The following PKIB variants were observed in gnomAD, a reference collection of about 807,000 sequenced individuals.
PKIB encodes the protein PKI-beta.
A neutral mutation model predicts 4.5 loss-of-function variants in PKIB; 2 were observed. The ratio of observed to expected loss-of-function variants is 0.44; its 90% CI spans 0.18 to 1.39. The LOEUF (loss-of-function observed/expected upper bound fraction) is 1.39, where lower values mean the gene tolerates loss of function less well. PKIB is among the 40% of genes most tolerant of loss of function. PKIB has a pLI of 0.27. For missense variants in PKIB, 94 were observed against 92.6 expected (o/e 1.02, Z -0.06); for synonymous variants, 38 against 36.0 (o/e 1.06, Z -0.20).
intron 2 of PKIB, among the ~76,000 whole-genome samples, chr6:122,542,579 T>G (rs1364885216): frequency 1.3e-5 from 2 of 151,944 alleles, no homozygotes; most frequent in Non-Finnish European, 2.9e-5. Flanking sequence ...CCTCTGGAAG[T>G]TTTGTCTCAG....
intron 3 of PKIB, among the ~76,000 whole-genome samples, chr6:122,704,051 T>C (rs564111355): frequency 9.9e-5 from 15 of 151,882 alleles, no homozygotes; most frequent in Admixed American, 3.9e-4. Context: ...GCTAATGATA[T>C]GGTTCCAGTT....
At chr6:122,661,071 T>A (rs539894932) in intron 2 of PKIB, among the ~76,000 whole-genome samples, 1 of 152,188 alleles carries the variant, frequency 6.6e-6, no homozygotes, top group Non-Finnish European at 1.5e-5. Context: ...CTGTAATCAA[T>A]GTGTTCATCA....
chr6:122,701,113 A>G, intron 3 of PKIB: 1 of 214,858 alleles, frequency 4.7e-6, no homozygotes. Context: ...CTTCGGAGTC[A>G]TGAGAGTGCA....
chr6:122,696,802 T>C lies in PKIB; in HGVS notation c.-8-20985T>C, dbSNP rs1015042344. 3.9e-5 allele frequency among the ~76,000 whole-genome samples: 6 copies of C among 152,338 alleles called. No individual in the cohort carries two copies. The East Asian group carries it at 1.2e-3, about 29-fold the overall frequency. ...GTGCACACTGATGTAACTGGACACA[T>C]TGCAGCTCAGTGAGGGTCAGCGTGG... On this transcript the variant is annotated intron_variant, in intron 3 of 4. Coordinates refer to ENST00000368452, the MANE Select transcript of PKIB (RefSeq NM_181795.3).
At chr6:122,674,645 A>G (rs1443435027) in intron 2 of PKIB, among the ~76,000 whole-genome samples, 1 of 152,228 alleles carries the variant, frequency 6.6e-6, no homozygotes, top group Non-Finnish European at 1.5e-5. Flanking sequence ...GAGGGTGCAG[A>G]AGATTCTCTA....
chr6:122,529,964 G>A lies in PKIB; in HGVS notation c.-248+52025G>A, dbSNP rs1379464472. On this transcript the variant is annotated intron_variant, in intron 2 of 6. Coordinates refer to the PKIB transcript ENST00000392491. ...TTTTTTCAGCTTCTTGAATCCACAT[G>A]TCCGTTTCTTTCTTCAGATCTGGGC... Among the ~76,000 whole-genome samples, 4 of 151,976 alleles carry A rather than the reference G, an allele frequency of 2.6e-5. No homozygotes were observed. In the East Asian group the frequency reaches 7.7e-4, roughly 29 times the overall value.
At chr6:122,669,846 T>C (rs1455307595) in intron 2 of PKIB, among the ~76,000 whole-genome samples, 1 of 152,204 alleles carries the variant, frequency 6.6e-6, no homozygotes, top group Non-Finnish European at 1.5e-5. Flanking sequence ...TTTTCCATTT[T>C]GTAAATTCTT....
intron 2 of PKIB, among the ~76,000 whole-genome samples, chr6:122,538,550 G>T (rs1777480856): frequency 6.6e-6 from 1 of 151,890 alleles, no homozygotes; most frequent in Non-Finnish European, 1.5e-5. Flanking sequence ...CTCTGTTTTG[G>T]TACCAGTACC....
chr6:122,520,094 T>C (rs1776889089), intron 2 of PKIB, among the ~76,000 whole-genome samples: 1 of 152,188 alleles, frequency 6.6e-6, no homozygotes, highest in African/African-American at 2.4e-5. Context: ...CCCAGAAGCA[T>C]TCCCTAAAAA....
At chr6:122,650,301 C>T (rs1473183199) in intron 2 of PKIB, among the ~76,000 whole-genome samples, 1 of 152,104 alleles carries the variant, frequency 6.6e-6, no homozygotes, top group African/African-American at 2.4e-5. Context: ...CCTTCAAGCC[C>T]TTAATGGTGG....
intron 2 of PKIB, among the ~76,000 whole-genome samples, chr6:122,491,245 A>G (rs1775926711): frequency 6.6e-6 from 1 of 152,124 alleles, no homozygotes; most frequent in African/African-American, 2.4e-5. Flanking sequence ...TCTCATGCAC[A>G]GTGTGTTACT....
intron 2 of PKIB, among the ~76,000 whole-genome samples, chr6:122,541,453 G>A (rs1217330770): frequency 6.6e-6 from 1 of 151,742 alleles, no homozygotes; most frequent in East Asian, 1.9e-4. Context: ...GCTTAGTTTG[G>A]CTGGATATGA....
chr6:122,495,687 A>G (rs1296495246), intron 2 of PKIB, among the ~76,000 whole-genome samples: 1 of 151,976 alleles, frequency 6.6e-6, no homozygotes, highest in African/African-American at 2.4e-5. Context: ...AGCCAATACC[A>G]CCACACAACT....
At chr6:122,550,010 G>T (rs1340068853) in intron 2 of PKIB, among the ~76,000 whole-genome samples, 1 of 151,780 alleles carries the variant, frequency 6.6e-6, no homozygotes, top group Non-Finnish European at 1.5e-5. Context: ...TGCCTCCTGG[G>T]TTCAAGTCAT....
At chr6:122,613,959 CAAAAA>C (rs67112737) in intron 1 of PKIB, among the ~76,000 whole-genome samples, 3 of 77,402 alleles carry the variant, frequency 3.9e-5, no homozygotes, top group South Asian at 5.4e-4. Context: ...GAGACTCCAT[CAAAAA>C]AAAAAAAAAA....
At chr6:122,519,671 A>G (rs1776874413) in intron 2 of PKIB, among the ~76,000 whole-genome samples, 1 of 152,262 alleles carries the variant, frequency 6.6e-6, no homozygotes, top group African/African-American at 2.4e-5. Context: ...ACTAGTAGAG[A>G]TGCCTTTTTC....
intron 2 of PKIB, chr6:122,644,661 A>G (rs571491478): frequency 6.6e-6 from 1 of 152,346 alleles, no homozygotes; most frequent in Non-Finnish European, 1.5e-5. Flanking sequence ...ATGTGACCTC[A>G]TTAGATCTGA....
At chr6:122,590,189 CA>C (rs1168695746) in intron 3 of PKIB, among the ~76,000 whole-genome samples, 1 of 152,124 alleles carries the variant, frequency 6.6e-6, no homozygotes, top group African/African-American at 2.4e-5. Flanking sequence ...GCAAACATGT[CA>C]TTTTGAAATG....
intron 2 of PKIB, among the ~76,000 whole-genome samples, chr6:122,575,412 T>C (rs1773498575): frequency 6.6e-6 from 1 of 151,980 alleles, no homozygotes; most frequent in South Asian, 2.1e-4. Flanking sequence ...GTTCCACTAC[T>C]GGGTATCTAC....
Sources: allele counts gnomAD v4.1 joint callset (sites outside exome capture counted in the v4.1 genomes callset), GRCh38; gene constraint gnomAD v4.1.1; transcripts MANE v1.5; gene names NCBI Gene and HGNC (gene_info 2026-07-23, HGNC 2026-07-21).